Variants in KCNC2 observed in about 807,000 individuals in gnomAD.
KCNC2 encodes the protein potassium voltage-gated channel subfamily C member 2, also known as voltage-gated potassium channel KCNC2.
Under a neutral mutation model 44.5 loss-of-function variants are expected in KCNC2, and 21 were observed. The ratio of observed to expected loss-of-function variants is 0.47; its 90% CI spans 0.33 to 0.68. KCNC2 has a LOEUF of 0.68. Ranked by LOEUF, KCNC2 falls within the 30% of genes least tolerant of loss-of-function variation. KCNC2 has a pLI of 0.01. For synonymous variants in KCNC2, 391 were observed against 339.1 expected (o/e 1.15, Z -1.68); for missense variants, 589 against 826.2 (o/e 0.71, Z 3.52).
chr12:75,048,431 A>G, intron 3 of KCNC2, 114 bp from the exon 4 acceptor site: 1 of 710,968 alleles, frequency 1.4e-6, no homozygotes, highest in South Asian at 3.0e-5. Context: ...ACACACAAGA[A>G]TCACATCACA....
At chr12:75,057,849 T>A (rs1343584675) in intron 2 of KCNC2, among the ~76,000 whole-genome samples, 3 of 151,932 alleles carry the variant, frequency 2.0e-5, no homozygotes, top group African/African-American at 4.8e-5. Context: ...TGGTCCCTGA[T>A]AAATATCTTC....
At chr12:75,206,053 A>AACAAAACACGTCCACAGACC in intron 2 of KCNC2, among the ~76,000 whole-genome samples, 1 of 152,346 alleles carries the variant, frequency 6.6e-6, no homozygotes, top group East Asian at 1.9e-4. Context: ...TCACACTGAA[A>AACAAAACACGTCCACAGACC]ACAAAACACG....
intron 2 of KCNC2, among the ~76,000 whole-genome samples, chr12:75,092,319 G>C (rs1329229305): frequency 6.6e-6 from 1 of 151,626 alleles, no homozygotes; most frequent in Non-Finnish European, 1.5e-5. Flanking sequence ...TAGAAGTAGA[G>C]AATATCAGCC....
intron 2 of KCNC2, among the ~76,000 whole-genome samples, chr12:75,135,998 A>C (rs1186807498): frequency 2.6e-5 from 4 of 151,900 alleles, no homozygotes; most frequent in Non-Finnish European, 1.5e-5. Context: ...TCAGAGAAAA[A>C]TTTCCCTCCA....
Position 75,136,869 on chromosome 12 carries a change from A to G in KCNC2, c.687+70428T>C, listed in dbSNP as rs2125418. Among the ~76,000 whole-genome samples, 687 of 152,256 alleles carry G rather than the reference A, an allele frequency of 4.5e-3. 3 individuals are homozygous for G. Among genetic ancestry groups the G allele is most frequent in the African/African-American group, 0.015 (630 of 41,582 alleles). On this transcript the variant is annotated intron_variant, in intron 2 of 4. Transcript: ENST00000549446. Reference sequence around the variant, plus strand: ...GATACCAAAGCTAGACAAGGACTCAACAAAGTCCCTCCCGTTCTTTAAAAT... The same window carrying G: ...GATACCAAAGCTAGACAAGGACTCAGCAAAGTCCCTCCCGTTCTTTAAAAT...
intron 2 of KCNC2, among the ~76,000 whole-genome samples, chr12:75,146,761 T>C (rs1169811937): frequency 1.3e-5 from 2 of 152,166 alleles, no homozygotes; most frequent in African/African-American, 4.8e-5. Context: ...CAGCAGTATA[T>C]AAGAATCTCC....
intron 2 of KCNC2, among the ~76,000 whole-genome samples, chr12:75,204,234 T>C (rs1405170487): frequency 1.3e-5 from 2 of 151,942 alleles, no homozygotes; most frequent in Non-Finnish European, 2.9e-5. Context: ...CCAATTGAAA[T>C]ACAACAATAT....
intron 2 of KCNC2, among the ~76,000 whole-genome samples, chr12:75,094,275 A>T (rs1201737940): frequency 6.6e-6 from 1 of 151,680 alleles, no homozygotes; most frequent in Admixed American, 6.6e-5. Flanking sequence ...CACTAACATC[A>T]AGTATTTCAT....
intron 2 of KCNC2, among the ~76,000 whole-genome samples, chr12:75,135,024 T>G (rs774743093): frequency 1.1e-4 from 16 of 151,940 alleles, no homozygotes; most frequent in Non-Finnish European, 2.4e-4. Flanking sequence ...ATTTTTACTT[T>G]AAATAAATAC....
intron 2 of KCNC2, among the ~76,000 whole-genome samples, chr12:75,183,250 A>C (rs1892723074): frequency 6.6e-6 from 1 of 152,206 alleles, no homozygotes; most frequent in African/African-American, 2.4e-5. Flanking sequence ...TTGCCCCCCA[A>C]GCTCAAATAT....
At chr12:75,116,807 G>T (rs79717261) in intron 2 of KCNC2, among the ~76,000 whole-genome samples, 1 of 151,850 alleles carries the variant, frequency 6.6e-6, no homozygotes, top group African/African-American at 2.4e-5. Context: ...CTCCTCCCCC[G>T]GGCCAACACA....
chr12:75,089,595 C>CTTTTT (rs1885306343), intron 2 of KCNC2, among the ~76,000 whole-genome samples: 4 of 151,846 alleles, frequency 2.6e-5, no homozygotes, highest in South Asian at 4.2e-4. Flanking sequence ...GTTAAAAGAA[C>CTTTTT]ATGCAACTTT....
In KCNC2 at chr12:75,042,340, C is replaced by G; in HGVS notation, c.*765G>C. 1 of 1,611,884 alleles carries G rather than the reference C, an allele frequency of 6.2e-7. No homozygotes were observed. The highest frequency in any genetic ancestry group is 1.1e-5 in the South Asian group (1 of 91,010). On this transcript the variant is annotated 3_prime_UTR_variant, in exon 5 of 5. Coordinates refer to ENST00000549446, the MANE Select transcript of KCNC2 (RefSeq NM_139137.4). ...AAGTAAGAGATCTGGCCTCGGCTTG[C>G]GTGTAACCAGTAATGACAACCTCTT...
chr12:75,046,564 A>G (rs1000235482), intron 4 of KCNC2, among the ~76,000 whole-genome samples: 12 of 151,834 alleles, frequency 7.9e-5, no homozygotes, highest in Non-Finnish European at 1.0e-4. Flanking sequence ...AAGATATTCA[A>G]TGCACTTGGA....
At chr12:75,193,878 AG>A in intron 2 of KCNC2, among the ~76,000 whole-genome samples, 1 of 152,316 alleles carries the variant, frequency 6.6e-6, no homozygotes, top group Non-Finnish European at 1.5e-5. Context: ...GAGATTCAAT[AG>A]TATAAAATGC....
In KCNC2 at chr12:75,041,413, G is replaced by T. The variant is rs944183689; in HGVS notation, c.*1692C>A. ...GACTTGGGGATATAGAGTAATACAT[G>T]TTTCGTGGCCAATAATAAAAGTGAC... On this transcript the variant is annotated 3_prime_UTR_variant, in exon 5 of 5. Transcript: ENST00000549446. The T allele has an allele frequency of 1.5e-6, 2 of 1,316,068 alleles. No individual in the cohort carries two copies. Among genetic ancestry groups the T allele is most frequent in the Non-Finnish European group, 1.9e-6 (2 of 1,029,086 alleles). The allele number at this position is 1,316,068 out of a possible 1,614,324, so 81.5% of individuals were successfully genotyped here.
In KCNC2 at chr12:75,043,260, C is replaced by A; in HGVS notation, c.1781-19G>T. The A allele has an allele frequency of 6.2e-7, 1 of 1,611,058 alleles. No individual in the cohort carries two copies. Among genetic ancestry groups the A allele is most frequent in the African/African-American group, 1.3e-5 (1 of 74,782 alleles). Reference sequence around the variant, plus strand: ...TCATATCCTTTTATGAAAAAATGCACAGACATCAGTTGAATTCAACCAGAA... The same window carrying A: ...TCATATCCTTTTATGAAAAAATGCAAAGACATCAGTTGAATTCAACCAGAA... On this transcript the variant is annotated intron_variant, in intron 4 of 4. Transcript: ENST00000549446.
chr12:75,164,178 T>C (rs1490108694), intron 2 of KCNC2, among the ~76,000 whole-genome samples: 1 of 151,700 alleles, frequency 6.6e-6, no homozygotes, highest in Admixed American at 6.6e-5. Context: ...TTATGTCTTT[T>C]TTTGTTATGT....
At chr12:75,104,439 A>C (rs961765653) in intron 2 of KCNC2, among the ~76,000 whole-genome samples, 1 of 152,154 alleles carries the variant, frequency 6.6e-6, no homozygotes, top group Non-Finnish European at 1.5e-5. Flanking sequence ...TGTAACTGTA[A>C]CCACCGAAAG....
Sources: allele counts gnomAD v4.1 joint callset (sites outside exome capture counted in the v4.1 genomes callset), GRCh38; gene constraint gnomAD v4.1.1; transcripts MANE v1.5; gene names NCBI Gene and HGNC (gene_info 2026-07-23, HGNC 2026-07-21).